Variants in ZRANB3 observed in about 807,000 individuals in gnomAD.
ZRANB3 encodes DNA annealing helicase and endonuclease ZRANB3.
Under a neutral mutation model 133.8 loss-of-function variants are expected in ZRANB3, and 125 were observed. The observed-to-expected ratio is 0.93, with a 90% CI of 0.81 to 1.08. The LOEUF (loss-of-function observed/expected upper bound fraction) is 1.08. Ranked by LOEUF, ZRANB3 falls within the 50% of genes least tolerant of loss-of-function variation. ZRANB3 has a pLI of 0.00. For synonymous variants in ZRANB3, 387 were observed against 432.7 expected, an observed-to-expected ratio of 0.89 and a Z score of 1.31; for missense variants, 1,229 against 1,275.5, an observed-to-expected ratio of 0.96 and a Z score of 0.56.
chr2:135,492,347 A>C (rs1692427340), intron 2 of ZRANB3, among the ~76,000 whole-genome samples: 1 of 152,200 alleles, frequency 6.6e-6, no homozygotes, highest in African/African-American at 2.4e-5. Context: ...AAGATGGTTA[A>C]AGGCATGCTA....
intron 6 of ZRANB3, among the ~76,000 whole-genome samples, chr2:135,329,778 C>A (rs1235954091): frequency 1.3e-5 from 2 of 152,174 alleles, no homozygotes; most frequent in Non-Finnish European, 2.9e-5. Flanking sequence ...CCTTCACATC[C>A]TTTGTAAGTT....
chr2:135,449,768 C>T (rs1690183814), intron 2 of ZRANB3, among the ~76,000 whole-genome samples: 4 of 152,106 alleles, frequency 2.6e-5, no homozygotes, highest in African/African-American at 9.7e-5. Flanking sequence ...CCATTTCTTT[C>T]TTTTTTTGAG....
At chr2:135,369,337 A>G (rs1686069155) in intron 3 of ZRANB3, among the ~76,000 whole-genome samples, 1 of 152,244 alleles carries the variant, frequency 6.6e-6, no homozygotes, top group Admixed American at 6.5e-5. Context: ...AAACATTGCC[A>G]TCATTACAAA....
chr2:135,216,015 A>T lies in ZRANB3; in HGVS notation c.2495+1450T>A, dbSNP rs116361288. ...GAGAAACCCGTGATAAGAATTTCTA[A>T]GGTATCCTTCTAGACAATTTCTATG... On this transcript the variant is annotated intron_variant, in intron 17 of 20. Transcript: ENST00000264159. Among the ~76,000 whole-genome samples, 478 of 152,258 alleles carry T rather than the reference A, an allele frequency of 3.1e-3. 4 individuals are homozygous for T. The highest frequency in any genetic ancestry group is 0.011 in the African/African-American group (457 of 41,546).
intron 12 of ZRANB3, among the ~76,000 whole-genome samples, chr2:135,239,495 A>G (rs1266180130): frequency 6.6e-6 from 1 of 152,040 alleles, no homozygotes. Context: ...ACATGTTATC[A>G]TAGGGAAAAA....
intron 8 of ZRANB3, among the ~76,000 whole-genome samples, chr2:135,297,363 T>C (rs548487217): frequency 6.6e-6 from 1 of 152,334 alleles, no homozygotes; most frequent in South Asian, 2.1e-4. Context: ...AGTGGGCATA[T>C]GACCCTCCGA....
chr2:135,416,623 G>A (rs1688585658), intron 2 of ZRANB3, among the ~76,000 whole-genome samples: 3 of 150,500 alleles, frequency 2.0e-5, no homozygotes, highest in African/African-American at 7.3e-5. Flanking sequence ...AAGTTCATAT[G>A]GAACCAAAAA....
chr2:135,489,426 T>C (rs1275575671), intron 2 of ZRANB3, among the ~76,000 whole-genome samples: 1 of 151,502 alleles, frequency 6.6e-6, no homozygotes, highest in Non-Finnish European at 1.5e-5. Flanking sequence ...ACCTGCACAT[T>C]GTGCACATGT....
intron 2 of ZRANB3, among the ~76,000 whole-genome samples, chr2:135,498,771 C>CTTTTTACGGTTGTAGATAAGGGATGAAA (rs1559039407): frequency 1.3e-5 from 2 of 152,228 alleles, no homozygotes; most frequent in East Asian, 3.9e-4. Context: ...GAACATCTAT[C>CTTTTTACGGTTGTAGATAAGGGATGAAA]TTTTTACGGT....
At chr2:135,463,989 C>T (rs1006310945) in intron 2 of ZRANB3, among the ~76,000 whole-genome samples, 4 of 152,014 alleles carry the variant, frequency 2.6e-5, no homozygotes, top group African/African-American at 9.7e-5. Context: ...GTGGAAGACA[C>T]AAATATGTAC....
chr2:135,397,356 G>A (rs1297236864), intron 2 of ZRANB3, among the ~76,000 whole-genome samples: 1 of 151,288 alleles, frequency 6.6e-6, no homozygotes, highest in African/African-American at 2.4e-5. Flanking sequence ...ACTGAGGTAG[G>A]AGAACTACTT....
intron 2 of ZRANB3, among the ~76,000 whole-genome samples, chr2:135,391,031 T>C (rs1391438851): frequency 6.6e-6 from 1 of 152,048 alleles, no homozygotes; most frequent in East Asian, 1.9e-4. Flanking sequence ...CATCTAATTT[T>C]TGTATTTTTA....
chr2:135,313,524 T>C lies in ZRANB3; in HGVS notation c.931A>G (p.Ile311Val). The C allele has an allele frequency of 6.2e-7, 1 of 1,613,588 alleles. No homozygotes were observed. Among genetic ancestry groups the C allele is most frequent in the South Asian group, 1.1e-5 (1 of 90,944 alleles). ...SGAMETVMGL[I>V]TRMFKQTAIA... ...GCAGTTTGTTTAAACATGCGAGTTATCAACCCCATGACTGTCTCCATGGCA... is the reference window on the plus strand; with the variant it reads ...GCAGTTTGTTTAAACATGCGAGTTACCAACCCCATGACTGTCTCCATGGCA... The change falls in exon 8 of 21, where the codon ATA (isoleucine) becomes GTA (valine). Residue 311 changes from isoleucine (I) to valine (V), a missense_variant. Physicochemically the swap from Ile to Val is conservative, Grantham distance 29. Transcript: ENST00000264159.
intron 2 of ZRANB3, among the ~76,000 whole-genome samples, chr2:135,474,127 G>A (rs1427356669): frequency 6.6e-6 from 1 of 152,058 alleles, no homozygotes; most frequent in Non-Finnish European, 1.5e-5. Flanking sequence ...GAAACCAGAG[G>A]TTGCAGTGAA....
At chr2:135,275,804 A>G in intron 8 of ZRANB3, 49 bp from the exon 9 acceptor site, 1 of 1,368,670 alleles carries the variant, frequency 7.3e-7, no homozygotes, top group Non-Finnish European at 9.6e-7. Flanking sequence ...ATGATTATTT[A>G]AAATTTATGT....
At chr2:135,431,328 G>C (rs962756194) in intron 2 of ZRANB3, among the ~76,000 whole-genome samples, 2 of 150,126 alleles carry the variant, frequency 1.3e-5, no homozygotes, top group Admixed American at 6.6e-5. Flanking sequence ...AAAAAAAGTA[G>C]ATGATATATA....
rs1368439579 is a variant in ZRANB3, at chr2:135,481,649, G to A, written c.161+22680C>T. Among the ~76,000 whole-genome samples, 135 of 150,024 alleles carry A rather than the reference G, an allele frequency of 9.0e-4. 1 individual carries two copies. In the South Asian group the frequency reaches 0.028, roughly 31 times the overall value. On this transcript the variant is annotated intron_variant, in intron 2 of 20. Coordinates refer to ENST00000264159, the MANE Select transcript of ZRANB3 (RefSeq NM_032143.4). The stretch of plus-strand genomic sequence containing the variant: ...ATCCCATTTGTCAATTTTGGCTTTT[G>A]TTGCCATTGCTTTTGGTGTTTTAGA...
chr2:135,336,726 G>GGTA (rs753554547), intron 6 of ZRANB3, among the ~76,000 whole-genome samples: 95 of 152,188 alleles, frequency 6.2e-4, no homozygotes, highest in African/African-American at 2.2e-3. Context: ...GAAAGAGACA[G>GGTA]GTATACTCTC....
intron 2 of ZRANB3, among the ~76,000 whole-genome samples, chr2:135,407,915 C>A (rs1259731205): frequency 6.8e-6 from 1 of 146,904 alleles, no homozygotes; most frequent in Admixed American, 6.7e-5. Flanking sequence ...TAGGCATGGG[C>A]AAGGACTTCA....
Sources: allele counts gnomAD v4.1 joint callset (sites outside exome capture counted in the v4.1 genomes callset), GRCh38; gene constraint gnomAD v4.1.1; transcripts MANE v1.5; gene names NCBI Gene and HGNC (gene_info 2026-07-23, HGNC 2026-07-21).